FERMT1: variants seen among roughly 807,000 people sequenced by gnomAD.
FERMT1 encodes fermitin family homolog 1.
FERMT1 carries 60 observed loss-of-function variants against 85.3 expected under a neutral mutation model. That is an observed-to-expected ratio of 0.70 (90% CI 0.57 to 0.87). The LOEUF (loss-of-function observed/expected upper bound fraction) is 0.87, where lower values mean the gene tolerates loss of function less well. FERMT1 is among the 40% of genes least tolerant of loss of function. The pLI, the probability that FERMT1 is intolerant of heterozygous loss-of-function variation, is 0.00. For missense variants in FERMT1, 701 were observed against 818.9 expected, an observed-to-expected ratio of 0.86 and a Z score of 1.76; for synonymous variants, 275 against 301.1, an observed-to-expected ratio of 0.91 and a Z score of 0.90.
At chr20:6,081,219 T>C (rs1173048050) in intron 13 of FERMT1, among the ~76,000 whole-genome samples, 2 of 151,028 alleles carry the variant, frequency 1.3e-5, no homozygotes, top group Admixed American at 6.6e-5. Context: ...GAGGTTATAG[T>C]GAGCCATGAT....
intron 14 of FERMT1, among the ~76,000 whole-genome samples, chr20:6,077,847 A>G (rs1406918514): frequency 6.6e-6 from 1 of 151,856 alleles, no homozygotes; most frequent in African/African-American, 2.4e-5. Context: ...CACCTGGCTA[A>G]TTTTTGTATT....
Position 6,107,513 on chromosome 20 carries a change from A to G in FERMT1, c.849+19T>C. ...ATTCATATTAAAAAGAGAAAGACAAAAGAGAAAAAGTTGCTTACTTTAGGA... is the reference window on the plus strand; with the variant it reads ...ATTCATATTAAAAAGAGAAAGACAAGAGAGAAAAAGTTGCTTACTTTAGGA... On this transcript the variant is annotated intron_variant, in intron 6 of 14. Transcript: ENST00000217289. 6.9e-7 allele frequency: 1 copy of G among 1,459,764 alleles called. No homozygotes were observed. The highest frequency in any genetic ancestry group is 9.6e-7 in the Non-Finnish European group (1 of 1,042,054). The allele number at this position is 1,459,764 out of a possible 1,614,324, so 90.4% of individuals were successfully genotyped here.
At chr20:6,094,217 A>G (rs1489938871) in intron 9 of FERMT1, 1 of 152,240 alleles carries the variant, frequency 6.6e-6, no homozygotes, top group Non-Finnish European at 1.5e-5. Context: ...AAGAAAAGTC[A>G]ACAAACCATA....
At chr20:6,110,228 A>C in intron 5 of FERMT1, 70 bp downstream of exon 5, 1 of 1,332,456 alleles carries the variant, frequency 7.5e-7, no homozygotes, top group East Asian at 2.3e-5. Flanking sequence ...CTTGAAAATG[A>C]AACGTGACAT....
At chr20:6,101,016 A>G (rs1038522444) in intron 6 of FERMT1, among the ~76,000 whole-genome samples, 1 of 152,248 alleles carries the variant, frequency 6.6e-6, no homozygotes, top group African/African-American at 2.4e-5. Context: ...AAATGGCCAT[A>G]AAAACATTGG....
chr20:6,097,678 C>A, intron 6 of FERMT1, 47 bp from the exon 7 acceptor site: 1 of 1,246,740 alleles, frequency 8.0e-7, no homozygotes, highest in Admixed American at 1.7e-5. Context: ...ATATTTATAT[C>A]CCACAATACA....
At chr20:6,096,834 G>C in intron 8 of FERMT1, 68 bp downstream of exon 8, 2 of 735,910 alleles carry the variant, frequency 2.7e-6, no homozygotes, top group Non-Finnish European at 4.3e-6. Context: ...TTCTAATAAA[G>C]AAAAGTTCAT....
intron 9 of FERMT1, among the ~76,000 whole-genome samples, chr20:6,090,533 T>C (rs555214574): frequency 2.7e-5 from 4 of 150,274 alleles, no homozygotes; most frequent in South Asian, 2.1e-4. Context: ...AGTGAGAGAA[T>C]TGCCTGAGGC....
At chr20:6,087,977 C>G in intron 10 of FERMT1, 94 bp from the exon 11 acceptor site, 1 of 786,526 alleles carries the variant, frequency 1.3e-6, no homozygotes, top group Admixed American at 1.8e-5. Flanking sequence ...TGAATACAAG[C>G]CCCTCAGATT....
intron 3 of FERMT1, among the ~76,000 whole-genome samples, chr20:6,113,311 G>T (rs553792808): frequency 6.6e-6 from 1 of 152,032 alleles, no homozygotes; most frequent in South Asian, 2.1e-4. Flanking sequence ...TTTGTAAATT[G>T]CCCAGTCTCA....
intron 14 of FERMT1, among the ~76,000 whole-genome samples, chr20:6,078,730 C>T (rs6053881): frequency 0.4 from 59,844 of 151,050 alleles, 12,359 homozygotes; most frequent in East Asian, 0.67. Flanking sequence ...TCAAGTGATC[C>T]TTCCCACCTC....
At chr20:6,108,129 G>A (rs1418520935) in intron 5 of FERMT1, among the ~76,000 whole-genome samples, 1 of 152,230 alleles carries the variant, frequency 6.6e-6, no homozygotes, top group Non-Finnish European at 1.5e-5. Context: ...GCCTCCCAAT[G>A]TGCTGGGATT....
chr20:6,094,964 GT>G lies in FERMT1; in HGVS notation c.1113del (p.Lys371AsnfsTer31). On this transcript the variant is annotated frameshift_variant, in exon 9 of 15. Transcript: ENST00000217289. LOFTEE classifies it high-confidence loss of function. ...CTAAATAATTTGAGATTATCTGCAA[GT>G]TTAGGGATATCAGTAATGTCCTCCT... Reference protein sequence around the residue: ...SLLEDITDIPKLADNLKLFRP... With the variant: ...SLLEDITDIPXLADNLKLFRP... The G allele has an allele frequency of 1.3e-6, 2 of 1,541,568 alleles. No homozygotes were observed. The highest frequency in any genetic ancestry group is 1.8e-6 in the Non-Finnish European group (2 of 1,113,932).
chr20:6,098,409 GA>G (rs1409920842), intron 6 of FERMT1, among the ~76,000 whole-genome samples: 1 of 151,976 alleles, frequency 6.6e-6, no homozygotes, highest in African/African-American at 2.4e-5. Context: ...CCAAGAAATT[GA>G]AAAAGAACAA....
intron 3 of FERMT1, 31 bp from the exon 4 acceptor site, chr20:6,112,654 A>C: frequency 7.0e-7 from 1 of 1,431,720 alleles, no homozygotes; most frequent in African/African-American, 1.5e-5. Flanking sequence ...AAAATGAAGA[A>C]AAAGTAAAAA....
intron 9 of FERMT1, among the ~76,000 whole-genome samples, chr20:6,089,373 C>T (rs2123107559): frequency 6.6e-6 from 1 of 152,300 alleles, no homozygotes; most frequent in South Asian, 2.1e-4. Context: ...TGCACTGCCT[C>T]TGTGTGATGG....
In FERMT1 at chr20:6,076,572, T is replaced by C. The variant is rs1981827930; in HGVS notation, c.*601A>G. On this transcript the variant is annotated 3_prime_UTR_variant, in exon 15 of 15. Coordinates refer to ENST00000217289, the MANE Select transcript of FERMT1 (RefSeq NM_017671.5). Reference sequence around the variant, plus strand: ...AGGTATCACTGTGGACAGATGACACTGAGGGCCACTCCTCTGACCTTGGGT... The same window carrying C: ...AGGTATCACTGTGGACAGATGACACCGAGGGCCACTCCTCTGACCTTGGGT... 1 of 454,202 alleles carries C rather than the reference T, an allele frequency of 2.2e-6. No individual in the cohort carries two copies. Among genetic ancestry groups the C allele is most frequent in the Non-Finnish European group, 4.4e-6 (1 of 226,102 alleles). The allele number at this position is 454,202 out of a possible 1,614,324, so 28.1% of individuals were successfully genotyped here. A position where few individuals can be genotyped will look rare whatever the true frequency, so the allele number is the denominator to read the frequency against.
chr20:6,116,442 A>G (rs1983102969), intron 2 of FERMT1, among the ~76,000 whole-genome samples: 1 of 152,104 alleles, frequency 6.6e-6, no homozygotes, highest in Non-Finnish European at 1.5e-5. Context: ...AAGAAAAAAT[A>G]ATAGGGTCGG....
chr20:6,104,648 C>T lies in FERMT1; in HGVS notation c.849+2884G>A, dbSNP rs766966374. Among the ~76,000 whole-genome samples, 16 of 152,182 alleles carry T rather than the reference C, an allele frequency of 1.1e-4. No individual in the cohort carries two copies. The highest frequency in any genetic ancestry group is 3.9e-4 in the African/African-American group (16 of 41,450). On this transcript the variant is annotated intron_variant, in intron 6 of 14. Transcript: ENST00000217289. The surrounding 1 kb of genome is among the most constrained non-coding windows in gnomAD (Gnocchi z 4.2). ...ATTCAAATCGGTTTCACTTTTTAGG[C>T]TATGAAGAGGGAGCTCCTCACCAAT... is the stretch of plus-strand genomic sequence containing the variant.
Sources: allele counts gnomAD v4.1 joint callset (sites outside exome capture counted in the v4.1 genomes callset), GRCh38; gene constraint gnomAD v4.1.1; non-coding constraint Gnocchi (gnomAD v3.1); transcripts MANE v1.5; gene names NCBI Gene and HGNC (gene_info 2026-07-23, HGNC 2026-07-21).